Variants in ATG2A observed in about 807,000 individuals in gnomAD.
The protein encoded by ATG2A is autophagy related 2A, also known as autophagy-related protein 2 homolog A.
ATG2A carries 103 observed loss-of-function variants against 214.2 expected under a neutral mutation model. The ratio of observed to expected loss-of-function variants is 0.48; its 90% CI spans 0.41 to 0.57. The LOEUF is 0.57. ATG2A is among the 20% of genes least tolerant of loss of function. The pLI is 0.00. For missense variants in ATG2A, 2,312 were observed against 2,613.2 expected (o/e 0.88, Z 2.51); for synonymous variants, 1,160 against 1,142.1 (o/e 1.02, Z -0.32).
At chr11:64,902,791 C>T (rs1219117914) in intron 26 of ATG2A, 111 bp from the exon 27 acceptor site, 1 of 965,424 alleles carries the variant, frequency 1.0e-6, no homozygotes, top group Non-Finnish European at 1.6e-6. Flanking sequence ...ACAGGCAGAA[C>T]AGGGATGGTC....
chr11:64,905,724 G>C lies in ATG2A; in HGVS notation c.3371+18C>G. On this transcript the variant is annotated intron_variant, in intron 23 of 40. Transcript: ENST00000377264. ...AGCCCATCCCCGTCCCCAGCCCCTG[G>C]CCCACCCAGCCTGGTACCTATAGTC... 1 of 1,613,796 alleles carries C rather than the reference G, an allele frequency of 6.2e-7. No individual in the cohort carries two copies. The highest frequency in any genetic ancestry group is 8.5e-7 in the Non-Finnish European group (1 of 1,179,910).
chr11:64,895,532 C>A lies in ATG2A; in HGVS notation c.5428-90G>T. The A allele has an allele frequency of 7.3e-7, 1 of 1,376,426 alleles. No individual in the cohort carries two copies. The highest frequency in any genetic ancestry group is 9.6e-7 in the Non-Finnish European group (1 of 1,041,738). The allele number at this position is 1,376,426 out of a possible 1,614,324, so 85.3% of individuals were successfully genotyped here. A position where few individuals can be genotyped will look rare whatever the true frequency, so the allele number is the denominator to read the frequency against. ...AGGACAGTCTGAGACCCCACCAGCCCTCAGCCTCCCTGCCTGTCACTGTGC... is the reference window on the plus strand; with the variant it reads ...AGGACAGTCTGAGACCCCACCAGCCATCAGCCTCCCTGCCTGTCACTGTGC... On this transcript the variant is annotated intron_variant, in intron 39 of 40. Transcript: ENST00000377264. The surrounding 1 kb of genome is among the most constrained non-coding windows in gnomAD (Gnocchi z 5.0).
chr11:64,907,247 G>A lies in ATG2A; in HGVS notation c.2832+8C>T. On this transcript the variant is annotated splice_region_variant and intron_variant, in intron 19 of 40. Coordinates refer to ENST00000377264, the MANE Select transcript of ATG2A (RefSeq NM_015104.3). ...GTTTGGGGCCCGCCTGCCCGGGGCTGCACTCACCTTGGTCTCACAGAGGGC... is the reference window on the plus strand; with the variant it reads ...GTTTGGGGCCCGCCTGCCCGGGGCTACACTCACCTTGGTCTCACAGAGGGC... The A allele has an allele frequency of 2.0e-6, 3 of 1,494,774 alleles. No homozygotes were observed. The highest frequency in any genetic ancestry group is 1.8e-6 in the Non-Finnish European group (2 of 1,120,360). The allele number at this position is 1,494,774 out of a possible 1,614,324, so 92.6% of individuals were successfully genotyped here.
rs376606783 is a variant in ATG2A at position 64,896,184 on chromosome 11, C to A, written c.5427+278G>T. 7.0e-4 allele frequency among the ~76,000 whole-genome samples: 106 copies of A among 152,344 alleles called. 4 individuals carry two copies. The South Asian group carries it at 0.02, about 29-fold the overall frequency. ...TGCAAACACAGCCGTCCTCCACCCCCCTTTACAAGACATGCCATGAGCAGG... is the reference window on the plus strand; with the variant it reads ...TGCAAACACAGCCGTCCTCCACCCCACTTTACAAGACATGCCATGAGCAGG... On this transcript the variant is annotated intron_variant, in intron 39 of 40. Transcript: ENST00000377264.
At chr11:64,900,362 T>C (rs1433067997) in intron 31 of ATG2A, 132 bp downstream of exon 31, 1 of 1,395,718 alleles carries the variant, frequency 7.2e-7, no homozygotes. Flanking sequence ...TACATCTTGG[T>C]CCCTGCCTGG....
At chr11:64,896,015 C>T (rs141164059) in intron 39 of ATG2A, among the ~76,000 whole-genome samples, 5 of 152,334 alleles carry the variant, frequency 3.3e-5, no homozygotes, top group African/African-American at 9.6e-5. Flanking sequence ...ACCCCTTAGC[C>T]GCCTAGGACC....
intron 36 of ATG2A, 60 bp from the exon 37 acceptor site, chr11:64,897,554 G>T (rs1197477733): frequency 7.5e-6 from 12 of 1,598,206 alleles, no homozygotes; most frequent in South Asian, 1.1e-5. Flanking sequence ...GCTAGCCCAT[G>T]GGAGCCACTG....
Position 64,905,810 on chromosome 11 carries a change from C to T in ATG2A, c.3303G>A (p.Leu1101=). 1.2e-6 allele frequency: 2 copies of T among 1,613,692 alleles called. No homozygotes were observed. The highest frequency in any genetic ancestry group is 4.5e-5 in the East Asian group (2 of 44,888). ...EFLDVLDDPV[L]GYLPPTVITI... is the part of the protein sequence containing the mutation. Reference sequence around the variant, plus strand: ...TGATGACCGTCGGGGGCAGGTAGCCCAGCACAGGGTCATCCAGCACGTCTA... The same window carrying T: ...TGATGACCGTCGGGGGCAGGTAGCCTAGCACAGGGTCATCCAGCACGTCTA... Residue 1101 remains leucine (L), a synonymous_variant, in exon 23 of 41, where the codon CTG becomes CTA. Transcript: ENST00000377264.
Position 64,911,025 on chromosome 11 carries a change from C to T in ATG2A, c.1466+13G>A. On this transcript the variant is annotated intron_variant, in intron 10 of 40. Coordinates refer to ENST00000377264, the MANE Select transcript of ATG2A (RefSeq NM_015104.3). ...TGATGGTCTCTCCTCAGGCCCTGGC[C>T]TCGGGCTTATACCGAACATGGCTAC... 6.2e-7 allele frequency: 1 copy of T among 1,613,926 alleles called. No homozygotes were observed. Among genetic ancestry groups the T allele is most frequent in the Non-Finnish European group, 8.5e-7 (1 of 1,180,032 alleles).
Position 64,910,943 on chromosome 11 carries a change from G to A in ATG2A, c.1478C>T (p.Thr493Ile), listed in dbSNP as rs892114130. ...CPCSHVRLTGTAVQLSWELRT... is the reference protein window; with the variant it reads ...CPCSHVRLTGIAVQLSWELRT... Reference sequence around the variant, plus strand: ...CAGCTCCCAGGACAGCTGCACGGCTGTGCCCGTTAGCCTGCGGGGAAGAGG... The same window carrying A: ...CAGCTCCCAGGACAGCTGCACGGCTATGCCCGTTAGCCTGCGGGGAAGAGG... The change falls in exon 11 of 41, where the codon ACA becomes ATA. Residue 493 changes from threonine (T) to isoleucine (I), a missense_variant. Thr to Ile is a moderately conservative substitution (Grantham distance 89). Transcript: ENST00000377264. 4.3e-6 allele frequency: 7 copies of A among 1,613,242 alleles called. No individual in the cohort carries two copies. In the Admixed American group the frequency reaches 8.3e-5, roughly 19 times the overall value.
chr11:64,897,811 G>GC (rs747956811), intron 35 of ATG2A, 28 bp downstream of exon 35: 3 of 1,613,732 alleles, frequency 1.9e-6, no homozygotes, highest in East Asian at 4.5e-5. Context: ...CTGGCCCAGG[G>GC]CCCCCCACCC....
chr11:64,897,306 G>A lies in ATG2A; in HGVS notation c.5150+106C>T, dbSNP rs1015783517. ...GTCCTTTTTACAGAGGAGAAACTGA[G>A]GCCCTGAGAAGGGTGATGACTTGGC... On this transcript the variant is annotated intron_variant, in intron 37 of 40. Coordinates refer to ENST00000377264, the MANE Select transcript of ATG2A (RefSeq NM_015104.3). 3.3e-5 allele frequency: 44 copies of A among 1,319,676 alleles called. 1 individual carries two copies. In the Admixed American group the frequency reaches 8.1e-4, roughly 24 times the overall value. The allele number at this position is 1,319,676 out of a possible 1,614,324, so 81.7% of individuals were successfully genotyped here. A position where few individuals can be genotyped will look rare whatever the true frequency, so the allele number is the denominator to read the frequency against.
At position 64,898,791 on chromosome 11, in the gene ATG2A, C is replaced by G; in HGVS notation, c.4516G>C (p.Ala1506Pro). The change falls in exon 32 of 41, where the codon GCC (alanine) becomes CCC (proline). Residue 1506 changes from alanine to proline, a missense_variant. Ala to Pro is a conservative substitution (Grantham distance 27). Transcript: ENST00000377264. This position sits in a 1 kb window ranked among gnomAD's most constrained non-coding sequence, Gnocchi z 4.5. ...YPAEPATGPA[A>P]PSQELEERPL... ...CGCTCCTCCAGCTCCTGGCTGGGGGCCGCAGGGCCTGTGGCTGGCTCCGCT... is the reference window on the plus strand; with the variant it reads ...CGCTCCTCCAGCTCCTGGCTGGGGGGCGCAGGGCCTGTGGCTGGCTCCGCT... The G allele has an allele frequency of 1.2e-6, 2 of 1,613,580 alleles. No individual in the cohort carries two copies. The highest frequency in any genetic ancestry group is 1.7e-6 in the Non-Finnish European group (2 of 1,180,014).
intron 31 of ATG2A, among the ~76,000 whole-genome samples, chr11:64,899,600 CA>C (rs768380209): frequency 6.6e-6 from 1 of 152,162 alleles, no homozygotes; most frequent in Non-Finnish European, 1.5e-5. Flanking sequence ...TTCCCAGGCC[CA>C]AACCTTGAAC....
intron 1 of ATG2A, among the ~76,000 whole-genome samples, chr11:64,916,076 T>G (rs1025292326): frequency 6.6e-6 from 1 of 152,210 alleles, no homozygotes; most frequent in Non-Finnish European, 1.5e-5. Flanking sequence ...CCTGCTGCTC[T>G]GGACCTGGTG....
Position 64,904,564 on chromosome 11 carries a change from A to T in ATG2A, c.3465-904T>A, listed in dbSNP as rs575973582. ...GTCTCAAAAAAAAAAAATAAATAAA[A>T]AAGTCTTTATTTTAAGGGTAACATA... On this transcript the variant is annotated intron_variant, in intron 24 of 40. Transcript: ENST00000377264. 3.6e-4 allele frequency among the ~76,000 whole-genome samples: 55 copies of T among 152,218 alleles called. No homozygotes were observed. In the South Asian group the frequency reaches 4.1e-3, roughly 11 times the overall value.
At position 64,907,603 on chromosome 11, in the gene ATG2A, C is replaced by A. The variant is rs201903243; in HGVS notation, c.2569G>T (p.Ala857Ser). 1 of 1,575,164 alleles carries A rather than the reference C, an allele frequency of 6.3e-7. No homozygotes were observed. Among genetic ancestry groups the A allele is most frequent in the East Asian group, 2.3e-5 (1 of 44,096 alleles). ...GGGCCGGGGAAGCCCGAGGGCTGGG[C>A]GGCGGGGTCGGGGGTGGGAAGCAGA... ...ADLLPTPDPAAQPSGFPGPSG... is the reference protein window; with the variant it reads ...ADLLPTPDPASQPSGFPGPSG... The change falls in exon 18 of 41, where the codon GCC becomes TCC. Residue 857 changes from alanine to serine, a missense_variant. Transcript: ENST00000377264.
rs1426078810 is a variant in ATG2A at position 64,913,412 on chromosome 11, T to C, written c.591-11A>G. ...TCACAGTACTCCAGTCTGGAGAGTG[T>C]AGGGTCAGCCCGTGCCCTGGCCACC... On this transcript the variant is annotated splice_polypyrimidine_tract_variant and intron_variant, in intron 4 of 40. Transcript: ENST00000377264. This position sits in a 1 kb window ranked among gnomAD's most constrained non-coding sequence, Gnocchi z 4.3. 6.4e-7 allele frequency: 1 copy of C among 1,570,574 alleles called. No homozygotes were observed. The highest frequency in any genetic ancestry group is 1.2e-5 in the South Asian group (1 of 86,186).
Position 64,907,544 on chromosome 11 carries a change from G to A in ATG2A, c.2628C>T (p.Cys876=). The A allele has an allele frequency of 1.2e-6, 2 of 1,611,564 alleles. No individual in the cohort carries two copies. The highest frequency in any genetic ancestry group is 1.7e-6 in the Non-Finnish European group (2 of 1,179,210). Residue 876 remains cysteine (C), a synonymous_variant, in exon 18 of 41, where the codon TGC becomes TGT. Coordinates refer to ENST00000377264, the MANE Select transcript of ATG2A (RefSeq NM_015104.3). ...TCATACCCAGCTTGAAGGCTGACTT[G>A]CACATCTTAAAGCTGTCGTGCCAGA... ...SGFWHDSFKM[C]KSAFKLANCF...
Sources: gnomAD v4.1 joint callset for allele counts (sites outside exome capture counted in the v4.1 genomes callset) on GRCh38, gnomAD v4.1.1 for gene constraint, Gnocchi (gnomAD v3.1) non-coding constraint, MANE v1.5 for transcripts, NCBI Gene and HGNC (gene_info 2026-07-23, HGNC 2026-07-21) for gene names.